The following DLG2 variants were observed in gnomAD, a reference collection of about 807,000 sequenced individuals.
DLG2 encodes discs large MAGUK scaffold protein 2, also known as disks large homolog 2.
A neutral mutation model predicts 132.5 loss-of-function variants in DLG2; 45 were observed. The ratio of observed to expected loss-of-function variants is 0.34; its 90% CI spans 0.27 to 0.44. The LOEUF is 0.44. Among genes scored for constraint, DLG2 ranks in the 20% least tolerant of loss-of-function variants. DLG2 has a pLI of 1.00. For missense variants in DLG2, 1,045 were observed against 1,196.9 expected, an observed-to-expected ratio of 0.87 and a Z score of 1.87; for synonymous variants, 424 against 419.6, an observed-to-expected ratio of 1.01 and a Z score of -0.13.
intron 3 of DLG2, among the ~76,000 whole-genome samples, chr11:85,318,681 A>G (rs1162135088): frequency 6.6e-6 from 1 of 151,880 alleles, no homozygotes; most frequent in Non-Finnish European, 1.5e-5. Flanking sequence ...AAATGAAAGA[A>G]AGATTTCTAA....
At chr11:85,274,913 A>T (rs781186573) in intron 4 of DLG2, among the ~76,000 whole-genome samples, 2 of 152,194 alleles carry the variant, frequency 1.3e-5, no homozygotes, top group Non-Finnish European at 2.9e-5. Context: ...GTTTATTAGC[A>T]TTGGATCATA....
chr11:84,882,124 T>G (rs557762536), intron 6 of DLG2, among the ~76,000 whole-genome samples: 1 of 152,212 alleles, frequency 6.6e-6, no homozygotes, highest in South Asian at 2.1e-4. Context: ...ACTACTACTC[T>G]AAATCTCTTG....
Position 83,965,375 on chromosome 11 carries a change from G to A in DLG2, c.1150C>T (p.Pro384Ser), listed in dbSNP as rs569113405. Reference protein sequence around the residue: ...SEVVYLKVGKPTTIYMTDPYG... With the variant: ...SEVVYLKVGKSTTIYMTDPYG... ...GGATCAGTCATATAAATGGTAGTGG[G>A]TTTGCCAACTTTTAAATAAACTACC... Residue 384 changes from proline to serine, a missense_variant, in exon 13 of 28, where the codon CCC becomes TCC. Transcript: ENST00000376104. The A allele has an allele frequency of 6.2e-7, 1 of 1,612,388 alleles. No individual in the cohort carries two copies. The highest frequency in any genetic ancestry group is 1.1e-5 in the South Asian group (1 of 91,006).
At chr11:85,052,944 C>A (rs901434442) in intron 6 of DLG2, among the ~76,000 whole-genome samples, 3 of 152,148 alleles carry the variant, frequency 2.0e-5, no homozygotes, top group African/African-American at 7.2e-5. Flanking sequence ...TTTCTTAAAT[C>A]AATTTATTTA....
intron 6 of DLG2, chr11:84,923,651 T>G: frequency 1.1e-6 from 1 of 935,510 alleles, no homozygotes; most frequent in Non-Finnish European, 1.3e-6. Flanking sequence ...TTCCAGGCTA[T>G]TCTGGTGCAG....
rs963101778 is a variant in DLG2 at position 84,044,825 on chromosome 11, G to C, written c.919+14490C>G. Among the ~76,000 whole-genome samples the C allele has an allele frequency of 5.3e-5, 8 of 151,830 alleles. No individual in the cohort carries two copies. The East Asian group carries it at 1.4e-3, about 26-fold the overall frequency. ...CTTCTCTGGATTTAATGGTATCAGT[G>C]AGAAGTCTTAGGATTTTGTCAATCA... is the stretch of plus-strand genomic sequence containing the variant. On this transcript the variant is annotated intron_variant, in intron 11 of 27. Transcript: ENST00000376104.
chr11:85,566,750 G>GTT (rs2153224721), intron 3 of DLG2, among the ~76,000 whole-genome samples: 1 of 152,110 alleles, frequency 6.6e-6, no homozygotes, highest in African/African-American at 2.4e-5. Context: ...CTAACATTCG[G>GTT]CCCATTGCAA....
At chr11:83,718,455 C>T (rs750713890) in intron 18 of DLG2, among the ~76,000 whole-genome samples, 18 of 134,990 alleles carry the variant, frequency 1.3e-4, no homozygotes, top group Admixed American at 9.2e-4. Flanking sequence ...ACCTGGGAGG[C>T]GGAGCTTGCA....
chr11:85,162,048 GGA>G lies in DLG2; in HGVS notation c.187-7399_187-7398del, dbSNP rs1037249247. ...TGAAGAGTGACAAACTCTGCCACCA[GGA>G]GACACAATGATTCCATTAACCTGGA... On this transcript the variant is annotated intron_variant, in intron 4 of 27. Transcript: ENST00000376104. Among the ~76,000 whole-genome samples, 42 of 152,122 alleles carry G rather than the reference GGA, an allele frequency of 2.8e-4. 1 individual carries two copies. The highest frequency in any genetic ancestry group is 9.9e-4 in the African/African-American group (41 of 41,410).
chr11:85,296,717 T>C (rs1014003801), intron 3 of DLG2, among the ~76,000 whole-genome samples: 1 of 151,432 alleles, frequency 6.6e-6, no homozygotes, highest in Non-Finnish European at 1.5e-5. Context: ...TAATTTCACC[T>C]GGAATTGGTC....
In DLG2 at chr11:85,246,531, C is replaced by T. The variant is rs558124857; in HGVS notation, c.186+38689G>A. Among the ~76,000 whole-genome samples the T allele has an allele frequency of 1.7e-4, 26 of 151,484 alleles. 1 individual carries two copies. The highest frequency in any genetic ancestry group is 6.8e-3 in the Middle Eastern group (2 of 294). On this transcript the variant is annotated intron_variant, in intron 4 of 27. Coordinates refer to ENST00000376104, the MANE Select transcript of DLG2 (RefSeq NM_001142699.3). ...CTGTCTCTCACATGCTCCCTCTCCA[C>T]GTCCCTCCCCCTCACCCCCTCCCTC...
chr11:85,562,371 G>A (rs1598539238), intron 3 of DLG2, among the ~76,000 whole-genome samples: 1 of 151,524 alleles, frequency 6.6e-6, no homozygotes, highest in East Asian at 1.9e-4. Context: ...TGAGAGAAGG[G>A]AAATGTTTAC....
chr11:84,943,161 T>C (rs7479559), intron 6 of DLG2, among the ~76,000 whole-genome samples: 1 of 130,646 alleles, frequency 7.7e-6, no homozygotes, highest in East Asian at 2.4e-4. Context: ...GTCGTGTGTG[T>C]GTGTGCGTGT....
chr11:83,682,132 G>C, intron 18 of DLG2: 1 of 985,310 alleles, frequency 1.0e-6, no homozygotes, highest in Non-Finnish European at 1.2e-6. Context: ...CAACAACAAC[G>C]ATTAGCTGCA....
chr11:85,037,694 T>C (rs2061532922), intron 6 of DLG2, among the ~76,000 whole-genome samples: 1 of 152,126 alleles, frequency 6.6e-6, no homozygotes, highest in South Asian at 2.1e-4. Context: ...GTTCATCTAT[T>C]CCTTACAAAA....
chr11:85,086,076 C>G (rs971192493), intron 6 of DLG2, among the ~76,000 whole-genome samples: 3 of 152,096 alleles, frequency 2.0e-5, no homozygotes, highest in South Asian at 2.1e-4. Flanking sequence ...AAGATATACA[C>G]TTAATCAGCT....
chr11:85,353,393 G>C (rs562973072), intron 3 of DLG2, among the ~76,000 whole-genome samples: 1 of 152,290 alleles, frequency 6.6e-6, no homozygotes, highest in African/African-American at 2.4e-5. Flanking sequence ...GTTGGTGGGA[G>C]TGTAAACTAG....
chr11:83,751,804 C>A (rs944596149), intron 18 of DLG2, among the ~76,000 whole-genome samples: 1 of 152,130 alleles, frequency 6.6e-6, no homozygotes, highest in African/African-American at 2.4e-5. Context: ...AAGATACTTA[C>A]TAGACATTTA....
intron 15 of DLG2, among the ~76,000 whole-genome samples, chr11:83,889,298 A>T (rs1359393641): frequency 6.6e-6 from 1 of 152,094 alleles, no homozygotes; most frequent in East Asian, 1.9e-4. Context: ...TGGGTGAAGG[A>T]CATGAACAGA....
Sources: gnomAD v4.1 joint callset for allele counts (sites outside exome capture counted in the v4.1 genomes callset) on GRCh38, gnomAD v4.1.1 for gene constraint, MANE v1.5 for transcripts, NCBI Gene and HGNC (gene_info 2026-07-23, HGNC 2026-07-21) for gene names.